Variants in TRPC4 observed in about 807,000 individuals in gnomAD.
TRPC4 encodes short transient receptor potential channel 4.
Under a neutral mutation model 99.4 loss-of-function variants are expected in TRPC4, and 49 were observed. The ratio of observed to expected loss-of-function variants is 0.49; its 90% CI spans 0.39 to 0.63. The LOEUF (loss-of-function observed/expected upper bound fraction) is 0.63. Among genes scored for constraint, TRPC4 ranks in the 20% least tolerant of loss-of-function variants. The probability of loss-of-function intolerance (pLI) is 0.00; values close to 1 mark genes in which losing one functional copy is unlikely to be tolerated. For synonymous variants in TRPC4, 454 were observed against 425.9 expected (o/e 1.07, Z -0.81); for missense variants, 898 against 1,152.9 (o/e 0.78, Z 3.20).
intron 1 of TRPC4, among the ~76,000 whole-genome samples, chr13:37,804,129 T>C (rs117126424): frequency 1.3e-5 from 2 of 152,168 alleles, no homozygotes; most frequent in Non-Finnish European, 2.9e-5. Context: ...GTAGGCACAA[T>C]ATTGGAGATG....
chr13:37,819,404 A>G (rs9576371), intron 1 of TRPC4, among the ~76,000 whole-genome samples: 43,896 of 151,938 alleles, frequency 0.29, 6,567 homozygotes, highest in East Asian at 0.43. Flanking sequence ...ACTATGTATA[A>G]TAGGAAAGAC....
rs10528143 is a variant in TRPC4, at chr13:37,752,075, C to CTATATATATATATA, written c.379-5634_379-5621dup. Among the ~76,000 whole-genome samples the CTATATATATATATA allele has an allele frequency of 1.5e-3, 113 of 73,946 alleles. 18 individuals carry two copies. Among genetic ancestry groups the CTATATATATATATA allele is most frequent in the African/African-American group, 5.7e-3 (100 of 17,600 alleles). 48.5% of individuals were successfully genotyped at this position (73,946 alleles called of 152,430 possible). On this transcript the variant is annotated intron_variant, in intron 2 of 10. Coordinates refer to ENST00000379705, the MANE Select transcript of TRPC4 (RefSeq NM_016179.4). ...TACCAAAACCTGATAAAGCAGAAAACTATATATATATATATATATATGACT... is the reference window on the plus strand; with the variant it reads ...TACCAAAACCTGATAAAGCAGAAAACTATATATATATATATATATATATATATATATATATGACT...
chr13:37,714,283 T>A (rs1954589645), intron 3 of TRPC4, among the ~76,000 whole-genome samples: 1 of 151,994 alleles, frequency 6.6e-6, no homozygotes, highest in Non-Finnish European at 1.5e-5. Context: ...TGTGCCACCA[T>A]GCCCGGCTAA....
At chr13:37,748,434 T>C (rs1955844259) in intron 2 of TRPC4, among the ~76,000 whole-genome samples, 1 of 152,172 alleles carries the variant, frequency 6.6e-6, no homozygotes, top group African/African-American at 2.4e-5. Context: ...GAAAATTTTA[T>C]TTTAAAAATA....
intron 1 of TRPC4, among the ~76,000 whole-genome samples, chr13:37,835,021 C>A (rs529136592): frequency 6.6e-6 from 1 of 151,442 alleles, no homozygotes; most frequent in South Asian, 2.1e-4. Context: ...AGGCATGAAC[C>A]ACCAGCAGGC....
At chr13:37,861,967 T>TA (rs1491093547) in intron 1 of TRPC4, among the ~76,000 whole-genome samples, 2 of 151,454 alleles carry the variant, frequency 1.3e-5, no homozygotes, top group African/African-American at 4.8e-5. Flanking sequence ...TGGTTTTTTT[T>TA]AAAAAGGAGG....
At chr13:37,838,136 A>G (rs1197075486) in intron 1 of TRPC4, among the ~76,000 whole-genome samples, 1 of 152,192 alleles carries the variant, frequency 6.6e-6, no homozygotes, top group Non-Finnish European at 1.5e-5. Context: ...CCAGTCTCAG[A>G]TATGTCTTTA....
At chr13:37,805,862 G>A (rs1184560419) in intron 1 of TRPC4, among the ~76,000 whole-genome samples, 1 of 151,850 alleles carries the variant, frequency 6.6e-6, no homozygotes, top group Non-Finnish European at 1.5e-5. Context: ...TTTTCTTGAT[G>A]TCTTTACTTG....
chr13:37,782,771 C>T (rs562142970), intron 2 of TRPC4, among the ~76,000 whole-genome samples, 185 bp downstream of exon 2: 2 of 150,876 alleles, frequency 1.3e-5, no homozygotes, highest in African/African-American at 4.9e-5. Flanking sequence ...GTGGACGTAA[C>T]TATCATAGGA....
At chr13:37,714,020 A>G (rs1473667743) in intron 3 of TRPC4, among the ~76,000 whole-genome samples, 1 of 151,614 alleles carries the variant, frequency 6.6e-6, no homozygotes, top group Non-Finnish European at 1.5e-5. Flanking sequence ...TGCTTTTATT[A>G]CTGCACCCAA....
At chr13:37,684,081 A>C (rs1953364510) in intron 4 of TRPC4, among the ~76,000 whole-genome samples, 1 of 152,232 alleles carries the variant, frequency 6.6e-6, no homozygotes, top group Non-Finnish European at 1.5e-5. Flanking sequence ...TATGATTATG[A>C]AATTTGACTT....
In TRPC4 at chr13:37,852,628, T is replaced by G. The variant is rs192312505; in HGVS notation, c.-28+16967A>C. 4.1e-3 allele frequency among the ~76,000 whole-genome samples: 624 copies of G among 152,250 alleles called. 2 individuals are homozygous for G. Among genetic ancestry groups the G allele is most frequent in the Non-Finnish European group, 6.0e-3 (407 of 68,018 alleles). On this transcript the variant is annotated intron_variant, in intron 1 of 10. Coordinates refer to ENST00000379705, the MANE Select transcript of TRPC4 (RefSeq NM_016179.4). ...TTTTCTTGCACCTTAGGTACCAGCT[T>G]GCACACAGTGGGGCAGAGCAATAAG... is the stretch of plus-strand genomic sequence containing the variant.
At position 37,636,067 on chromosome 13, in the gene TRPC4, G is replaced by C. The variant is rs1951508484; in HGVS notation, c.*836C>G. 6.6e-6 allele frequency among the ~76,000 whole-genome samples: 1 copy of C among 151,922 alleles called. No homozygotes were observed. The highest frequency in any genetic ancestry group is 6.6e-5 in the Admixed American group (1 of 15,226). ...GTATGTAATCATCTTGCTTGTTTAA[G>C]ATACTTACAATATTATGGTTTATTA... On this transcript the variant is annotated 3_prime_UTR_variant, in exon 11 of 11. Transcript: ENST00000379705.
chr13:37,840,411 G>C (rs542915370), intron 1 of TRPC4, among the ~76,000 whole-genome samples: 1 of 151,992 alleles, frequency 6.6e-6, no homozygotes, highest in African/African-American at 2.4e-5. Context: ...AATCTTTGTA[G>C]GAAAACTCTT....
At chr13:37,686,041 G>C (rs769481182) in intron 4 of TRPC4, among the ~76,000 whole-genome samples, 5 of 152,034 alleles carry the variant, frequency 3.3e-5, no homozygotes, top group Non-Finnish European at 7.4e-5. Flanking sequence ...TGTGTTTGAG[G>C]GTCTGTGTGT....
chr13:37,862,669 AGATAATACAGGACACTGGAGT>A (rs1361609264), intron 1 of TRPC4, among the ~76,000 whole-genome samples: 1 of 151,644 alleles, frequency 6.6e-6, no homozygotes, highest in Non-Finnish European at 1.5e-5. Flanking sequence ...AATATGTTTT[AGATAATACAGGACACTGGAGT>A]GTGATAAGAG....
chr13:37,832,351 G>A (rs1042344309), intron 1 of TRPC4, among the ~76,000 whole-genome samples: 15 of 152,088 alleles, frequency 9.9e-5, no homozygotes, highest in African/African-American at 3.6e-4. Context: ...AGACCAGCCT[G>A]ACCAACATGG....
chr13:37,720,401 T>A (rs1008720397), intron 3 of TRPC4, among the ~76,000 whole-genome samples: 1 of 152,166 alleles, frequency 6.6e-6, no homozygotes, highest in Non-Finnish European at 1.5e-5. Context: ...ATGGGACGCC[T>A]AAGTCTGTCC....
At chr13:37,868,264 A>G (rs1276423978) in intron 1 of TRPC4, among the ~76,000 whole-genome samples, 1 of 149,984 alleles carries the variant, frequency 6.7e-6, no homozygotes, top group Admixed American at 6.7e-5. Flanking sequence ...ATGACCAGTG[A>G]GCAAGTAAAT....
Sources: gnomAD v4.1 joint callset for allele counts (sites outside exome capture counted in the v4.1 genomes callset) on GRCh38, gnomAD v4.1.1 for gene constraint, MANE v1.5 for transcripts, NCBI Gene and HGNC (gene_info 2026-07-23, HGNC 2026-07-21) for gene names.